The following DENND1B variants were observed in gnomAD, a reference collection of about 807,000 sequenced individuals.
DENND1B encodes the protein DENN domain-containing protein 1B.
DENND1B carries 59 observed loss-of-function variants against 90.1 expected under a neutral mutation model. That is an observed-to-expected ratio of 0.65 (90% CI 0.53 to 0.81). The LOEUF is 0.81. Among genes scored for constraint, DENND1B ranks in the 40% least tolerant of loss-of-function variants. DENND1B has a pLI of 0.00. For synonymous variants in DENND1B, 337 were observed against 324.6 expected (o/e 1.04, Z -0.41); for missense variants, 862 against 912.6 (o/e 0.94, Z 0.71).
intron 10 of DENND1B, 32 bp downstream of exon 10, chr1:197,642,679 C>A (rs377109665): frequency 6.6e-7 from 1 of 1,512,264 alleles, no homozygotes; most frequent in East Asian, 2.3e-5. Flanking sequence ...ACACTCAATA[C>A]CTGCTACTTA....
chr1:197,748,642 A>G (rs772921924), intron 2 of DENND1B, among the ~76,000 whole-genome samples: 1 of 152,222 alleles, frequency 6.6e-6, no homozygotes, highest in Non-Finnish European at 1.5e-5. Flanking sequence ...AAGGAGGCCA[A>G]GAGCCAAGGA....
chr1:197,738,238 C>T (rs1280221474), intron 2 of DENND1B, among the ~76,000 whole-genome samples: 2 of 152,144 alleles, frequency 1.3e-5, no homozygotes, highest in Non-Finnish European at 2.9e-5. Flanking sequence ...TGATTTTGAA[C>T]CAATGCTGAA....
In DENND1B at chr1:197,506,539, TAATC is replaced by T. The variant is rs997522414; in HGVS notation, c.*3917_*3920del. 1.3e-5 allele frequency: 2 copies of T among 151,500 alleles called. No individual in the cohort carries two copies. Among genetic ancestry groups the T allele is most frequent in the Non-Finnish European group, 3.0e-5 (2 of 67,602 alleles). The allele number at this position is 151,500 out of a possible 1,614,324, so 9.4% of individuals were successfully genotyped here. The stretch of plus-strand genomic sequence containing the variant: ...GTATAAGAAAATTTATTCATGAAAA[TAATC>T]AGTCTTTTCCTGAAAATCCACATTT... On this transcript the variant is annotated 3_prime_UTR_variant, in exon 23 of 23. Transcript: ENST00000620048.
chr1:197,707,979 A>G (rs1358058825), intron 3 of DENND1B, among the ~76,000 whole-genome samples: 1 of 152,070 alleles, frequency 6.6e-6, no homozygotes, highest in Non-Finnish European at 1.5e-5. Flanking sequence ...CCGCACCCGG[A>G]AAATCAGGTC....
chr1:197,546,791 G>C lies in DENND1B; in HGVS notation c.1241-18C>G. ...CGGGTTCCCTGGAATATATAAAAATGAGATGCCAGGAATGGTTGATCAAAA... is the reference window on the plus strand; with the variant it reads ...CGGGTTCCCTGGAATATATAAAAATCAGATGCCAGGAATGGTTGATCAAAA... On this transcript the variant is annotated intron_variant, in intron 16 of 22. Coordinates refer to ENST00000620048, the MANE Select transcript of DENND1B (RefSeq NM_001195215.2). The C allele has an allele frequency of 6.5e-7, 1 of 1,539,972 alleles. No individual in the cohort carries two copies.
intron 10 of DENND1B, among the ~76,000 whole-genome samples, chr1:197,638,561 A>G (rs1679992513): frequency 6.6e-6 from 1 of 152,192 alleles, no homozygotes; most frequent in Non-Finnish European, 1.5e-5. Context: ...GGCATATGAC[A>G]AGGCTTCATG....
At chr1:197,763,283 TA>T (rs1387665770) in intron 2 of DENND1B, among the ~76,000 whole-genome samples, 12 of 152,220 alleles carry the variant, frequency 7.9e-5, no homozygotes, top group African/African-American at 2.4e-4. Context: ...TTTTTATATA[TA>T]TTTTTTTATT....
chr1:197,616,482 A>G (rs1677656845), intron 11 of DENND1B, among the ~76,000 whole-genome samples: 1 of 151,072 alleles, frequency 6.6e-6, no homozygotes, highest in African/African-American at 2.4e-5. Flanking sequence ...CTCAAACAGC[A>G]TAATAGCAAT....
chr1:197,779,262 G>T (rs1396622064), upstream of DENND1B, among the ~76,000 whole-genome samples: 1 of 152,138 alleles, frequency 6.6e-6, no homozygotes. Context: ...TGTCTTCTAA[G>T]TTCCCTAATA....
At chr1:197,720,580 T>A (rs1661076971) in intron 2 of DENND1B, among the ~76,000 whole-genome samples, 1 of 151,070 alleles carries the variant, frequency 6.6e-6, no homozygotes, top group Admixed American at 6.6e-5. Flanking sequence ...AAAAAAACGG[T>A]TTAAGGAAAC....
intron 6 of DENND1B, among the ~76,000 whole-genome samples, chr1:197,654,369 TG>T (rs1003035767): frequency 6.6e-6 from 1 of 152,034 alleles, no homozygotes; most frequent in African/African-American, 2.4e-5. Flanking sequence ...CCCAGCACTT[TG>T]GGGGGCTGAG....
intron 16 of DENND1B, among the ~76,000 whole-genome samples, chr1:197,548,058 C>T (rs773209720): frequency 6.6e-6 from 1 of 152,190 alleles, no homozygotes; most frequent in Non-Finnish European, 1.5e-5. Context: ...GTTTAGCATT[C>T]TGTAACCTTT....
At chr1:197,564,124 T>C (rs1363443961) in intron 15 of DENND1B, among the ~76,000 whole-genome samples, 2 of 151,816 alleles carry the variant, frequency 1.3e-5, no homozygotes, top group Non-Finnish European at 2.9e-5. Flanking sequence ...TTGACAATAA[T>C]GAATTTAGAA....
At chr1:197,773,776 A>C (rs976858351) in intron 1 of DENND1B, among the ~76,000 whole-genome samples, 9 of 152,216 alleles carry the variant, frequency 5.9e-5, no homozygotes, top group Non-Finnish European at 1.2e-4. Flanking sequence ...TTTCTTCATA[A>C]CATTGCTGTT....
chr1:197,778,934 A>G (rs1657363282), upstream of DENND1B, among the ~76,000 whole-genome samples: 2 of 152,168 alleles, frequency 1.3e-5, no homozygotes, highest in Admixed American at 1.3e-4. Context: ...GCCAGAGTTC[A>G]CAAGGATATC....
chr1:197,635,295 A>G (rs1343318952), intron 10 of DENND1B, among the ~76,000 whole-genome samples: 1 of 152,144 alleles, frequency 6.6e-6, no homozygotes, highest in Non-Finnish European at 1.5e-5. Flanking sequence ...TCTTCAATAC[A>G]TACATGAACA....
chr1:197,734,534 T>G lies in DENND1B; in HGVS notation c.83-19460A>C, dbSNP rs909357917. 38 of 971,406 alleles carry G rather than the reference T, an allele frequency of 3.9e-5. No individual in the cohort carries two copies. The African/African-American group carries it at 6.5e-4, about 17-fold the overall frequency. The allele number at this position is 971,406 out of a possible 1,614,324, so 60.2% of individuals were successfully genotyped here. ...AAATCTAAAAAGGAATACACAAAAATAGATGTTTTGTGTTATTGGTATAAA... is the reference window on the plus strand; with the variant it reads ...AAATCTAAAAAGGAATACACAAAAAGAGATGTTTTGTGTTATTGGTATAAA... On this transcript the variant is annotated intron_variant, in intron 2 of 22. Coordinates refer to ENST00000620048, the MANE Select transcript of DENND1B (RefSeq NM_001195215.2).
intron 13 of DENND1B, among the ~76,000 whole-genome samples, chr1:197,595,992 T>C (rs532717556): frequency 5.4e-4 from 82 of 152,180 alleles, no homozygotes; most frequent in African/African-American, 1.9e-3. Context: ...TGTGAATTCA[T>C]TTGCCCTTAC....
chr1:197,609,415 T>G (rs1403676025), intron 12 of DENND1B, among the ~76,000 whole-genome samples: 1 of 150,712 alleles, frequency 6.6e-6, no homozygotes, highest in Non-Finnish European at 1.5e-5. Context: ...ACAAACAAGA[T>G]AATCCTCACA....
Sources: gnomAD v4.1 joint callset for allele counts (sites outside exome capture counted in the v4.1 genomes callset) on GRCh38, gnomAD v4.1.1 for gene constraint, MANE v1.5 for transcripts, NCBI Gene and HGNC (gene_info 2026-07-23, HGNC 2026-07-21) for gene names.